Variants in NYAP2 observed in about 807,000 individuals in gnomAD.
NYAP2 encodes neuronal tyrosine-phosphorylated phosphoinositide-3-kinase adaptor 2, also known as neuronal tyrosine-phosphorylated phosphoinositide-3-kinase adapter 2.
Under a neutral mutation model 50.4 loss-of-function variants are expected in NYAP2, and 23 were observed. That is an observed-to-expected ratio of 0.46 (90% CI 0.33 to 0.65). NYAP2 has a LOEUF of 0.65. NYAP2 is among the 30% of genes least tolerant of loss of function. The probability of loss-of-function intolerance (pLI) is 0.02; values close to 1 mark genes in which losing one functional copy is unlikely to be tolerated. For synonymous variants in NYAP2, 394 were observed against 365.2 expected (o/e 1.08, Z -0.90); for missense variants, 885 against 861.0 (o/e 1.03, Z -0.35).
the NYAP2 span, among the ~76,000 whole-genome samples, chr2:225,681,447 C>CT: frequency 6.6e-6 from 1 of 152,256 alleles, no homozygotes; most frequent in East Asian, 1.9e-4. Flanking sequence ...ACTGATGTGT[C>CT]TAATATCTTA....
intron 2 of NYAP2, among the ~76,000 whole-genome samples, chr2:225,407,826 T>C (rs747406901): frequency 2.0e-5 from 3 of 151,928 alleles, no homozygotes; most frequent in Non-Finnish European, 4.4e-5. Context: ...TAATATGCAA[T>C]TAGGACAGTA....
chr2:225,492,160 C>T (rs1690419808), intron 3 of NYAP2, among the ~76,000 whole-genome samples: 2 of 152,176 alleles, frequency 1.3e-5, no homozygotes, highest in Non-Finnish European at 2.9e-5. Context: ...GAGCAAATGC[C>T]CATGTGTCCT....
At chr2:225,618,279 G>T (rs1207704696) in intron 5 of NYAP2, among the ~76,000 whole-genome samples, 1 of 152,162 alleles carries the variant, frequency 6.6e-6, no homozygotes, top group African/African-American at 2.4e-5. Flanking sequence ...TGCAGCCTTG[G>T]CTCCGCACAA....
intron 3 of NYAP2, among the ~76,000 whole-genome samples, chr2:225,479,435 T>G (rs1690169595): frequency 1.3e-5 from 2 of 152,204 alleles, no homozygotes. Flanking sequence ...GAAAAAGGTC[T>G]AGATGATTTG....
the NYAP2 span, among the ~76,000 whole-genome samples, chr2:225,686,013 C>A: frequency 1.1e-4 from 16 of 152,050 alleles, no homozygotes; most frequent in African/African-American, 3.9e-4. Context: ...TAGTTTTACC[C>A]GTAATAATTT....
chr2:225,410,660 G>A (rs1695022991), intron 3 of NYAP2, among the ~76,000 whole-genome samples: 2 of 152,042 alleles, frequency 1.3e-5, no homozygotes, highest in South Asian at 2.1e-4. Context: ...CATTCCATTA[G>A]CTTTTACAGA....
intron 2 of NYAP2, among the ~76,000 whole-genome samples, chr2:225,407,251 T>C (rs1192959219): frequency 3.9e-5 from 6 of 152,048 alleles, no homozygotes; most frequent in Non-Finnish European, 8.8e-5. Flanking sequence ...CTATTCTTCA[T>C]GTCCATCATG....
chr2:225,636,690 G>C lies in NYAP2; in HGVS notation c.1828+9564G>C, dbSNP rs989489395. On this transcript the variant is annotated intron_variant, in intron 6 of 6. Transcript: ENST00000636099. ...CTTGAGTCTTGCATTGACCAATAGAGTGAGATGGAAGTGACTGTATGTCAA... is the reference window on the plus strand; with the variant it reads ...CTTGAGTCTTGCATTGACCAATAGACTGAGATGGAAGTGACTGTATGTCAA... Among the ~76,000 whole-genome samples, 4 of 152,108 alleles carry C rather than the reference G, an allele frequency of 2.6e-5. No homozygotes were observed. The South Asian group carries it at 8.3e-4, about 31-fold the overall frequency.
At chr2:225,636,483 C>CT (rs5839116) in intron 6 of NYAP2, among the ~76,000 whole-genome samples, 28,575 of 146,002 alleles carry the variant, frequency 0.2, 3,052 homozygotes, top group African/African-American at 0.29. Flanking sequence ...AATGTGCTTT[C>CT]TTTTTTTTTT....
At chr2:225,502,727 G>A (rs1019400400) in intron 3 of NYAP2, among the ~76,000 whole-genome samples, 13 of 152,148 alleles carry the variant, frequency 8.5e-5, no homozygotes, top group African/African-American at 2.7e-4. Context: ...TTCCCATGGG[G>A]CTTCCCAGCC....
intron 6 of NYAP2, among the ~76,000 whole-genome samples, chr2:225,648,556 G>A (rs764217877): frequency 1.3e-5 from 2 of 152,058 alleles, no homozygotes; most frequent in Non-Finnish European, 2.9e-5. Flanking sequence ...AAGAGCCATT[G>A]CAAGGGGGAA....
At chr2:225,674,740 T>G in the NYAP2 span, among the ~76,000 whole-genome samples, 3 of 152,086 alleles carry the variant, frequency 2.0e-5, no homozygotes, top group South Asian at 4.1e-4. Flanking sequence ...CCTCATCTAT[T>G]TGTAGATTCT....
intron 6 of NYAP2, among the ~76,000 whole-genome samples, chr2:225,645,894 GCAC>G (rs1693628311): frequency 1.3e-5 from 2 of 151,754 alleles, no homozygotes; most frequent in African/African-American, 4.8e-5. Flanking sequence ...GCATTTAGAT[GCAC>G]AGATCCTAAA....
At chr2:225,424,865 GAACT>G (rs1157142320) in intron 3 of NYAP2, among the ~76,000 whole-genome samples, 1 of 152,008 alleles carries the variant, frequency 6.6e-6, no homozygotes, top group Non-Finnish European at 1.5e-5. Flanking sequence ...TCTAGTCTCT[GAACT>G]AATAAGTTTG....
intron 4 of NYAP2, among the ~76,000 whole-genome samples, chr2:225,518,119 C>T (rs1391837123): frequency 2.0e-5 from 3 of 151,964 alleles, no homozygotes; most frequent in Admixed American, 1.3e-4. Context: ...CATACACATA[C>T]ACACACAAAC....
intron 3 of NYAP2, among the ~76,000 whole-genome samples, chr2:225,431,840 C>T (rs189194925): frequency 7.2e-5 from 11 of 152,166 alleles, no homozygotes; most frequent in Non-Finnish European, 1.5e-4. Context: ...GAAGGGTTGA[C>T]CAAAAGTTCC....
At chr2:225,489,395 A>G (rs1326770023) in intron 3 of NYAP2, among the ~76,000 whole-genome samples, 2 of 151,708 alleles carry the variant, frequency 1.3e-5, no homozygotes, top group African/African-American at 4.8e-5. Context: ...ATGGGATTTC[A>G]CCATGTTGGC....
intron 4 of NYAP2, among the ~76,000 whole-genome samples, chr2:225,556,457 G>A (rs2106212998): frequency 6.6e-6 from 1 of 152,222 alleles, no homozygotes; most frequent in South Asian, 2.1e-4. Context: ...TTTTGGTCTG[G>A]AGTGGCACTC....
intron 2 of NYAP2, among the ~76,000 whole-genome samples, chr2:225,407,572 A>C (rs753855855): frequency 2.6e-5 from 4 of 151,972 alleles, no homozygotes; most frequent in Admixed American, 6.6e-5. Context: ...CAGGTTTTGG[A>C]ACATGACTAT....
Sources: allele counts gnomAD v4.1 joint callset (sites outside exome capture counted in the v4.1 genomes callset), GRCh38; gene constraint gnomAD v4.1.1; transcripts MANE v1.5; gene names NCBI Gene and HGNC (gene_info 2026-07-23, HGNC 2026-07-21).